Variants in HPS4 observed in about 807,000 individuals in gnomAD.
HPS4 encodes HPS4 biogenesis of lysosomal organelles complex 3 subunit 2, also known as BLOC-3 complex member HPS4.
Under a neutral mutation model 70.3 loss-of-function variants are expected in HPS4, and 44 were observed. That is an observed-to-expected ratio of 0.63 (90% CI 0.49 to 0.80). The LOEUF (loss-of-function observed/expected upper bound fraction) is 0.80, where lower values mean the gene tolerates loss of function less well. HPS4 is among the 30% of genes least tolerant of loss of function. The probability of loss-of-function intolerance (pLI) is 0.00; values close to 1 mark genes in which losing one functional copy is unlikely to be tolerated. For synonymous variants in HPS4, 377 were observed against 355.9 expected (o/e 1.06, Z -0.67); for missense variants, 873 against 884.4 (o/e 0.99, Z 0.16).
At chr22:26,458,066 C>A in intron 12 of HPS4, 99 bp from the exon 13 acceptor site, 1 of 1,055,500 alleles carries the variant, frequency 9.5e-7, no homozygotes, top group Non-Finnish European at 1.4e-6. Context: ...GAGCACGGCT[C>A]AAGGCCATGA....
At chr22:26,443,129 A>G, downstream of HPS4, 2 of 1,614,078 alleles carry the variant, frequency 1.2e-6, no homozygotes, top group East Asian at 2.2e-5. Flanking sequence ...GGTGGTTTTC[A>G]TGGTGGATTT....
intron 13 of HPS4, among the ~76,000 whole-genome samples, chr22:26,456,849 T>C (rs1217949901): frequency 6.6e-6 from 1 of 152,128 alleles, no homozygotes; most frequent in Non-Finnish European, 1.5e-5. Context: ...ACTCCCTTTC[T>C]GGTTTCATAA....
chr22:26,446,551 A>T (rs56910770), downstream of HPS4, among the ~76,000 whole-genome samples: 1,243 of 152,182 alleles, frequency 8.2e-3, 16 homozygotes, highest in African/African-American at 0.028. Context: ...TCTTTGTTTT[A>T]AACTCATTTC....
rs886057303 is a variant in HPS4, at chr22:26,451,994, GCGCGCGCGCGCACACA to G, written c.*1223_*1238del. The G allele has an allele frequency of 0.075, 5,353 of 71,772 alleles. 131 individuals are homozygous for G. Among genetic ancestry groups the G allele is most frequent in the Non-Finnish European group, 0.089 (3,127 of 35,100 alleles). 4.4% of individuals were successfully genotyped at this position (71,772 alleles called of 1,614,324 possible). A position where few individuals can be genotyped will look rare whatever the true frequency, so the allele number is the denominator to read the frequency against. On this transcript the variant is annotated 3_prime_UTR_variant, in exon 14 of 14. Coordinates refer to ENST00000398145, the MANE Select transcript of HPS4 (RefSeq NM_022081.6). ...AGGGATGCGCCCACGTTACGCGCGC[GCGCGCGCGCGCACACA>G]CACACACACACACACACACACACAC...
At chr22:26,480,150 A>C (rs986512402) in intron 2 of HPS4, among the ~76,000 whole-genome samples, 1 of 152,180 alleles carries the variant, frequency 6.6e-6, no homozygotes, top group African/African-American at 2.4e-5. Flanking sequence ...ACCATAAAAC[A>C]AACACCTCAA....
chr22:26,461,237 G>T (rs2087201540), intron 11 of HPS4, among the ~76,000 whole-genome samples: 1 of 152,198 alleles, frequency 6.6e-6, no homozygotes, highest in Admixed American at 6.5e-5. Flanking sequence ...TTCATAAAAT[G>T]TTTTATGGCA....
At chr22:26,457,709 G>C (rs75213921) in intron 13 of HPS4, 150 bp downstream of exon 13, 2 of 693,156 alleles carry the variant, frequency 2.9e-6, no homozygotes, top group Non-Finnish European at 5.2e-6. Context: ...GGATGATGGC[G>C]GCAATAGGAA....
chr22:26,460,452 G>C (rs1273892241), intron 11 of HPS4, among the ~76,000 whole-genome samples: 1 of 152,240 alleles, frequency 6.6e-6, no homozygotes, highest in Non-Finnish European at 1.5e-5. Context: ...CAGCCTCACT[G>C]AAAGTTTTTG....
downstream of HPS4, among the ~76,000 whole-genome samples, chr22:26,447,996 CAT>C (rs1413684098): frequency 2.0e-5 from 3 of 152,232 alleles, no homozygotes; most frequent in Non-Finnish European, 2.9e-5. Flanking sequence ...ACATTTAACA[CAT>C]GAGGAAACAG....
chr22:26,455,743 TA>T lies in HPS4; in HGVS notation c.1955+2115del, dbSNP rs386395105. ...CTAAAACTTATAATAATAATAAAAT[TA>T]AAAAAAAAAAGAAATGGTAGCTGTT... On this transcript the variant is annotated intron_variant, in intron 13 of 13. Coordinates refer to ENST00000398145, the MANE Select transcript of HPS4 (RefSeq NM_022081.6). Among the ~76,000 whole-genome samples, 332 of 145,250 alleles carry T rather than the reference TA, an allele frequency of 2.3e-3. 1 individual carries two copies. Among genetic ancestry groups the T allele is most frequent in the African/African-American group, 6.9e-3 (275 of 39,682 alleles).
Position 26,464,029 on chromosome 22 carries a change from G to A in HPS4, c.1601C>T (p.Ser534Phe), listed in dbSNP as rs1289320569. The A allele has an allele frequency of 1.2e-6, 2 of 1,614,130 alleles. No homozygotes were observed. The highest frequency in any genetic ancestry group is 1.3e-5 in the African/African-American group (1 of 74,938). ...ATTCATCCTCACGAGCCCCATGCAG[G>A]ACTCTGCTGGTGTCAGCCTGGAGCT... ...GISSRLTPAESCMGLVRMNLY... is the reference protein window; with the variant it reads ...GISSRLTPAEFCMGLVRMNLY... The change falls in exon 11 of 14, where the codon TCC (serine) becomes TTC (phenylalanine). Residue 534 changes from serine to phenylalanine, a missense_variant. Coordinates refer to ENST00000398145, the MANE Select transcript of HPS4 (RefSeq NM_022081.6).
At position 26,464,842 on chromosome 22, in the gene HPS4, G is replaced by C. The variant is rs367811711; in HGVS notation, c.804-16C>G. On this transcript the variant is annotated splice_polypyrimidine_tract_variant and intron_variant, in intron 10 of 13. Coordinates refer to ENST00000398145, the MANE Select transcript of HPS4 (RefSeq NM_022081.6). ...TGCTAGAGACCTGGCAAACAAGAGA[G>C]ATGTAAGGAAGGGGCACGTTGACAG... is the stretch of plus-strand genomic sequence containing the variant. 7.1e-5 allele frequency: 113 copies of C among 1,585,594 alleles called. No homozygotes were observed. In the African/African-American group the frequency reaches 1.4e-3, roughly 20 times the overall value.
intron 7 of HPS4, among the ~76,000 whole-genome samples, chr22:26,470,187 A>C (rs1384518071): frequency 6.6e-6 from 1 of 152,258 alleles, no homozygotes; most frequent in Non-Finnish European, 1.5e-5. Context: ...TTGGGCACTC[A>C]GATTCACCAA....
At position 26,472,312 on chromosome 22, in the gene HPS4, T is replaced by C; in HGVS notation, c.491A>G (p.Asp164Gly). ...HKIFNSLWNLDQTKVEPLLLL... is the reference protein window; with the variant it reads ...HKIFNSLWNLGQTKVEPLLLL... ...GGATGAAAATGTTACTTTAGTTTGGTCCAAGTTCCAGAGGGAATTGAAAAT... is the reference window on the plus strand; with the variant it reads ...GGATGAAAATGTTACTTTAGTTTGGCCCAAGTTCCAGAGGGAATTGAAAAT... Residue 164 changes from aspartate (D) to glycine (G), a missense_variant, in exon 6 of 14, where the codon GAC becomes GGC. Physicochemically the swap from Asp to Gly is moderately conservative, Grantham distance 94 (BLOSUM62 -1). Transcript: ENST00000398145. The C allele has an allele frequency of 6.2e-7, 1 of 1,601,224 alleles. No individual in the cohort carries two copies. The highest frequency in any genetic ancestry group is 1.7e-4 in the Middle Eastern group (1 of 6,030).
At chr22:26,472,774 G>T in intron 5 of HPS4, 58 bp downstream of exon 5, 1 of 1,242,880 alleles carries the variant, frequency 8.0e-7, no homozygotes, top group Non-Finnish European at 1.2e-6. Flanking sequence ...CTGCATTCTG[G>T]CAATACCGGT....
chr22:26,466,398 G>T, intron 8 of HPS4, 136 bp from the exon 9 acceptor site: 1 of 942,734 alleles, frequency 1.1e-6, no homozygotes, highest in African/African-American at 1.6e-5. Context: ...CATGCTAAGA[G>T]CCAAGCAGAT....
At chr22:26,476,663 G>A (rs916834819) in intron 4 of HPS4, 1 of 267,022 alleles carries the variant, frequency 3.7e-6, no homozygotes, top group African/African-American at 2.2e-5. Context: ...CACTTACCCA[G>A]TAAGTGTAGA....
In HPS4 at chr22:26,450,990, G is replaced by C. The variant is rs1000969308; in HGVS notation, c.*2243C>G. Among the ~76,000 whole-genome samples the C allele has an allele frequency of 3.3e-5, 5 of 152,220 alleles. No individual in the cohort carries two copies. The highest frequency in any genetic ancestry group is 1.2e-4 in the African/African-American group (5 of 41,454). On this transcript the variant is annotated 3_prime_UTR_variant, in exon 14 of 14. Transcript: ENST00000398145. ...GCGACCTTTATCCTTACAGTTCACA[G>C]GTGGCAGATGGCTGGCACAGAGGAA...
In HPS4 at chr22:26,464,458, T is replaced by A; in HGVS notation, c.1172A>T (p.His391Leu). The stretch of plus-strand genomic sequence containing the variant: ...AGCCCTGCCATCTGGAACAGGCACA[T>A]GTAGGAAGGCAAAATGACCTGAGGC... ...EMASGHFAFLHVPVPDGRAPY... is the reference protein window; with the variant it reads ...EMASGHFAFLLVPVPDGRAPY... The change falls in exon 11 of 14, where the codon CAT (histidine) becomes CTT (leucine). Residue 391 changes from histidine (H) to leucine (L), a missense_variant. Coordinates refer to ENST00000398145, the MANE Select transcript of HPS4 (RefSeq NM_022081.6). 1 of 1,614,146 alleles carries A rather than the reference T, an allele frequency of 6.2e-7. No individual in the cohort carries two copies.
Sources: gnomAD v4.1 joint callset for allele counts (sites outside exome capture counted in the v4.1 genomes callset) on GRCh38, gnomAD v4.1.1 for gene constraint, MANE v1.5 for transcripts, NCBI Gene and HGNC (gene_info 2026-07-23, HGNC 2026-07-21) for gene names.